The following LYPD6 variants were observed in gnomAD, a reference collection of about 807,000 sequenced individuals.
The protein encoded by LYPD6 is LY6/PLAUR domain containing 6.
LYPD6 carries 15 observed loss-of-function variants against 22.7 expected under a neutral mutation model. The ratio of observed to expected loss-of-function variants is 0.66; its 90% confidence interval spans 0.44 to 1.02. LYPD6 has a LOEUF of 1.02. LYPD6 is among the 50% of genes least tolerant of loss of function. The probability of loss-of-function intolerance (pLI) is 0.00; values close to 1 mark genes in which losing one functional copy is unlikely to be tolerated. For synonymous variants in LYPD6, 72 were observed against 77.5 expected, an observed-to-expected ratio of 0.93 and a Z score of 0.37; for missense variants, 189 against 208.4, an observed-to-expected ratio of 0.91 and a Z score of 0.57.
downstream of LYPD6, among the ~76,000 whole-genome samples, chr2:149,476,761 T>C (rs1681454476): frequency 6.6e-6 from 1 of 152,218 alleles, no homozygotes; most frequent in Admixed American, 6.5e-5. Flanking sequence ...TTGGGTCCTA[T>C]GGAATTTGCA....
At chr2:149,370,869 A>G (rs987647818) in intron 1 of LYPD6, among the ~76,000 whole-genome samples, 5 of 152,158 alleles carry the variant, frequency 3.3e-5, no homozygotes, top group Non-Finnish European at 7.4e-5. Context: ...GTGAAGCAGG[A>G]TAATTGCTTG....
chr2:149,384,159 A>G (rs961918829), intron 1 of LYPD6, among the ~76,000 whole-genome samples: 6 of 152,190 alleles, frequency 3.9e-5, no homozygotes, highest in African/African-American at 1.2e-4. Context: ...GTAAGCATCC[A>G]TACTGGAGTC....
At chr2:149,464,769 T>C (rs900373297) in intron 3 of LYPD6, among the ~76,000 whole-genome samples, 6 of 152,084 alleles carry the variant, frequency 3.9e-5, no homozygotes, top group Admixed American at 3.9e-4. Context: ...GAAAATGGAA[T>C]AGAAAAGACC....
intron 2 of LYPD6, among the ~76,000 whole-genome samples, chr2:149,446,895 C>A (rs1050962936): frequency 1.3e-5 from 2 of 152,174 alleles, no homozygotes; most frequent in Non-Finnish European, 2.9e-5. Context: ...TCATTCTGGC[C>A]TTAAGCTACT....
intron 2 of LYPD6, among the ~76,000 whole-genome samples, chr2:149,439,180 G>A (rs1683500676): frequency 6.6e-6 from 1 of 152,114 alleles, no homozygotes; most frequent in Non-Finnish European, 1.5e-5. Context: ...ATGCTCCAGT[G>A]TTGTATAACT....
At chr2:149,337,565 G>T (rs989260614) in intron 1 of LYPD6, among the ~76,000 whole-genome samples, 32 of 151,870 alleles carry the variant, frequency 2.1e-4, no homozygotes, top group Non-Finnish European at 2.6e-4. Flanking sequence ...TTTGGCTTGG[G>T]TTCATCATCT....
intron 3 of LYPD6, among the ~76,000 whole-genome samples, chr2:149,455,384 G>A (rs1232908155): frequency 6.6e-6 from 1 of 150,600 alleles, no homozygotes; most frequent in African/African-American, 2.4e-5. Flanking sequence ...TCAGCCTCCC[G>A]AGTAGCTGGG....
chr2:149,406,498 T>C (rs1476403461), intron 1 of LYPD6, among the ~76,000 whole-genome samples: 3 of 152,166 alleles, frequency 2.0e-5, no homozygotes, highest in African/African-American at 7.2e-5. Flanking sequence ...TGGCCTCCTT[T>C]GTCTCTTTTG....
At chr2:149,457,423 T>C (rs976127914) in intron 3 of LYPD6, among the ~76,000 whole-genome samples, 2 of 152,224 alleles carry the variant, frequency 1.3e-5, no homozygotes, top group African/African-American at 4.8e-5. Flanking sequence ...TTGTGTGCAA[T>C]GCCCTGTGTT....
chr2:149,391,272 G>A (rs538367893), intron 1 of LYPD6, among the ~76,000 whole-genome samples: 2 of 152,276 alleles, frequency 1.3e-5, no homozygotes, highest in Non-Finnish European at 2.9e-5. Flanking sequence ...AGTTGAGTGG[G>A]GGAACCACTT....
chr2:149,385,855 A>T (rs1414362051), intron 1 of LYPD6, among the ~76,000 whole-genome samples: 1 of 152,160 alleles, frequency 6.6e-6, no homozygotes, highest in African/African-American at 2.4e-5. Context: ...TGAGGCAGAG[A>T]ACAGAAATTA....
chr2:149,382,787 TTC>T (rs1243683483), intron 1 of LYPD6, among the ~76,000 whole-genome samples: 3 of 47,474 alleles, frequency 6.3e-5, no homozygotes, highest in African/African-American at 2.0e-4. Flanking sequence ...CCTATTATAA[TTC>T]TGTTAGCTCA....
At position 149,451,949 on chromosome 2, in the gene LYPD6, A is replaced by G. The variant is rs148187653; in HGVS notation, c.217+2802A>G. Among the ~76,000 whole-genome samples, 81 of 152,300 alleles carry G rather than the reference A, an allele frequency of 5.3e-4. No homozygotes were observed. The East Asian group carries it at 0.014, about 26-fold the overall frequency. ...CAGGACAAAGGTAAGTGCCAAGTGG[A>G]ACCTGGCATTAAGCACTGTGGGAGT... On this transcript the variant is annotated intron_variant, in intron 3 of 4. Coordinates refer to ENST00000334166, the MANE Select transcript of LYPD6 (RefSeq NM_194317.5).
At chr2:149,463,673 A>G (rs865974257) in intron 3 of LYPD6, among the ~76,000 whole-genome samples, 11 of 152,222 alleles carry the variant, frequency 7.2e-5, no homozygotes, top group African/African-American at 2.4e-4. Context: ...CAACTTTAGT[A>G]CATCTATGCC....
intron 1 of LYPD6, among the ~76,000 whole-genome samples, chr2:149,405,095 T>C (rs1037963854): frequency 7.9e-5 from 12 of 152,096 alleles, no homozygotes; most frequent in Non-Finnish European, 1.6e-4. Flanking sequence ...CACTTGATCA[T>C]GGTGGATAAG....
At chr2:149,463,934 T>C (rs893060322) in intron 3 of LYPD6, among the ~76,000 whole-genome samples, 1 of 152,042 alleles carries the variant, frequency 6.6e-6, no homozygotes, top group Non-Finnish European at 1.5e-5. Flanking sequence ...CTTATGGCTG[T>C]GGAGAAGTTC....
intron 1 of LYPD6, among the ~76,000 whole-genome samples, chr2:149,344,119 A>G (rs1048151835): frequency 5.3e-5 from 8 of 152,120 alleles, no homozygotes; most frequent in African/African-American, 1.4e-4. Flanking sequence ...ACGTCCTTCT[A>G]TGTTTTAAAT....
At chr2:149,334,672 TG>T (rs1281934709) in intron 1 of LYPD6, among the ~76,000 whole-genome samples, 3 of 151,444 alleles carry the variant, frequency 2.0e-5, no homozygotes, top group African/African-American at 7.3e-5. Flanking sequence ...CCAGAAGGAC[TG>T]GGGGCCAAGA....
In LYPD6 at chr2:149,473,446, C is replaced by T. The variant is rs932268521; in HGVS notation, c.*2596C>T. 1 of 152,626 alleles carries T rather than the reference C, an allele frequency of 6.6e-6. No homozygotes were observed. The highest frequency in any genetic ancestry group is 2.4e-5 in the African/African-American group (1 of 41,460). The allele number at this position is 152,626 out of a possible 1,614,324, so 9.5% of individuals were successfully genotyped here. ...TGACTTTTCTACCACATTAAATTCT[C>T]CATTACATCTCAATATTGGTAATGG... On this transcript the variant is annotated 3_prime_UTR_variant, in exon 5 of 5. Coordinates refer to ENST00000334166, the MANE Select transcript of LYPD6 (RefSeq NM_194317.5).
Sources: gnomAD v4.1 joint callset for allele counts (sites outside exome capture counted in the v4.1 genomes callset) on GRCh38, gnomAD v4.1.1 for gene constraint, MANE v1.5 for transcripts, NCBI Gene and HGNC (gene_info 2026-07-23, HGNC 2026-07-21) for gene names.